Variants in RANBP2 observed in about 807,000 individuals in gnomAD.
RANBP2 encodes the protein E3 SUMO-protein ligase RanBP2.
In RANBP2, 57 loss-of-function variants were observed where a neutral mutation model predicts 303.6. That is an observed-to-expected ratio of 0.19 (90% CI 0.15 to 0.23). RANBP2 has a LOEUF of 0.23. RANBP2 is among the 10% of genes least tolerant of loss of function. RANBP2 has a pLI of 1.00. For synonymous variants in RANBP2, 1,167 were observed against 1,301.5 expected, an observed-to-expected ratio of 0.90 and a Z score of 2.23; for missense variants, 3,138 against 3,780.8, an observed-to-expected ratio of 0.83 and a Z score of 4.46.
the RANBP2 span, among the ~76,000 whole-genome samples, chr2:109,599,800 A>G: frequency 1.3e-5 from 2 of 152,214 alleles, no homozygotes; most frequent in Non-Finnish European, 2.9e-5. Flanking sequence ...TAAAATACAA[A>G]TGCAATCTTA....
the RANBP2 span, chr2:109,544,890 T>C: frequency 2.9e-4 from 267 of 920,066 alleles, 2 homozygotes; most frequent in Non-Finnish European, 3.3e-4. Context: ...AGAGCTTGCA[T>C]TGAAAGATCA....
At chr2:109,350,289 G>A in the RANBP2 span, among the ~76,000 whole-genome samples, 1 of 152,220 alleles carries the variant, frequency 6.6e-6, no homozygotes, top group Admixed American at 6.5e-5. Context: ...GAGGTCAGAG[G>A]CGCCAGCCAC....
the RANBP2 span, among the ~76,000 whole-genome samples, chr2:109,319,328 G>C: frequency 2.0e-5 from 3 of 152,354 alleles, no homozygotes; most frequent in African/African-American, 7.2e-5. Flanking sequence ...TCCTAAGCCA[G>C]TGCAGGTTAG....
the RANBP2 span, chr2:109,432,517 G>A: frequency 8.1e-6 from 13 of 1,613,418 alleles, no homozygotes; most frequent in South Asian, 3.3e-5. Context: ...GGCGCTCTAC[G>A]CCTACAAGCC....
chr2:109,518,904 G>C, the RANBP2 span, among the ~76,000 whole-genome samples: 1 of 147,428 alleles, frequency 6.8e-6, no homozygotes, highest in African/African-American at 2.6e-5. Flanking sequence ...GGTGGGGAAG[G>C]TGCTACATAT....
chr2:108,825,829 C>T, the RANBP2 span, among the ~76,000 whole-genome samples: 1 of 152,144 alleles, frequency 6.6e-6, no homozygotes, highest in South Asian at 2.1e-4. Context: ...AGTGGAACTG[C>T]TAAAGTGCCA....
downstream of RANBP2, chr2:108,788,013 C>G (rs748630938): frequency 2.1e-6 from 3 of 1,452,018 alleles, no homozygotes; most frequent in African/African-American, 1.6e-5. Context: ...CAAATTAAAT[C>G]TTTTCTTTTT....
At chr2:109,246,648 T>A in the RANBP2 span, among the ~76,000 whole-genome samples, 2 of 152,200 alleles carry the variant, frequency 1.3e-5, no homozygotes, top group Non-Finnish European at 2.9e-5. Flanking sequence ...TGCACGTGTC[T>A]TATTTGACCT....
the RANBP2 span, among the ~76,000 whole-genome samples, chr2:108,966,488 T>C: frequency 6.6e-6 from 1 of 152,212 alleles, no homozygotes; most frequent in African/African-American, 2.4e-5. Context: ...GGTGCAGTTA[T>C]GTGGGGTCAG....
chr2:108,735,906 A>G (rs1695542155), intron 5 of RANBP2, 144 bp downstream of exon 5: 2 of 1,504,714 alleles, frequency 1.3e-6, no homozygotes, highest in African/African-American at 2.8e-5. Context: ...TACCAGGATC[A>G]GTTAAATTTA....
chr2:108,943,991 A>AAATGAG, the RANBP2 span, among the ~76,000 whole-genome samples: 2 of 152,248 alleles, frequency 1.3e-5, no homozygotes, highest in African/African-American at 2.4e-5. Flanking sequence ...TGCATGTGGA[A>AAATGAG]GTGTTTTGAA....
the RANBP2 span, among the ~76,000 whole-genome samples, chr2:109,281,961 G>C: frequency 1.3e-4 from 20 of 152,108 alleles, no homozygotes; most frequent in African/African-American, 4.8e-4. Context: ...TAGAGCAGAA[G>C]CCCAATGGCC....
At chr2:109,563,770 C>T in the RANBP2 span, among the ~76,000 whole-genome samples, 1 of 152,186 alleles carries the variant, frequency 6.6e-6, no homozygotes, top group East Asian at 1.9e-4. Flanking sequence ...CTAAGCTTCA[C>T]TCATTCCAAA....
the RANBP2 span, among the ~76,000 whole-genome samples, chr2:108,834,851 A>G: frequency 3.3e-5 from 5 of 152,342 alleles, no homozygotes; most frequent in East Asian, 3.9e-4. Flanking sequence ...GGCACCACAG[A>G]CAGGCATATG....
the RANBP2 span, among the ~76,000 whole-genome samples, chr2:109,441,784 C>T: frequency 6.6e-6 from 1 of 151,936 alleles, no homozygotes; most frequent in Non-Finnish European, 1.5e-5. Context: ...ATAAAGAAAA[C>T]ACTGAAAACA....
At chr2:108,965,146 T>G in the RANBP2 span, among the ~76,000 whole-genome samples, 4,219 of 152,198 alleles carry the variant, frequency 0.028, 184 homozygotes, top group African/African-American at 0.096. Context: ...TGGTATTTAT[T>G]TTTTGAGTGT....
chr2:109,351,203 G>A, the RANBP2 span, among the ~76,000 whole-genome samples: 1 of 152,224 alleles, frequency 6.6e-6, no homozygotes, highest in East Asian at 1.9e-4. Context: ...CTGCCAGCTG[G>A]TTTCTGAGGA....
the RANBP2 span, among the ~76,000 whole-genome samples, chr2:109,345,794 C>G: frequency 6.6e-6 from 1 of 152,164 alleles, no homozygotes; most frequent in African/African-American, 2.4e-5. Flanking sequence ...CAGGCTGGGC[C>G]AGGGTTTCTT....
chr2:109,637,160 A>C, the RANBP2 span, among the ~76,000 whole-genome samples: 1 of 152,344 alleles, frequency 6.6e-6, no homozygotes, highest in Admixed American at 6.5e-5. Context: ...CTGGACGTGC[A>C]TGTAAGCCAG....
Sources: allele counts gnomAD v4.1 joint callset (sites outside exome capture counted in the v4.1 genomes callset), GRCh38; gene constraint gnomAD v4.1.1; transcripts MANE v1.5; gene names NCBI Gene and HGNC (gene_info 2026-07-23, HGNC 2026-07-21).